CADM2: variants seen among roughly 807,000 people sequenced by gnomAD.
CADM2 encodes cell adhesion molecule 2, also known as immunoglobulin superfamily member 4D.
Under a neutral mutation model 49.8 loss-of-function variants are expected in CADM2, and 12 were observed. The observed-to-expected ratio is 0.24, with a 90% CI of 0.15 to 0.39. The LOEUF is 0.39. CADM2 is among the 10% of genes least tolerant of loss of function. The probability of loss-of-function intolerance (pLI) is 1.00; values close to 1 mark genes in which losing one functional copy is unlikely to be tolerated. For missense variants in CADM2, 378 were observed against 492.3 expected, an observed-to-expected ratio of 0.77 and a Z score of 2.20; for synonymous variants, 214 against 175.4, an observed-to-expected ratio of 1.22 and a Z score of -1.74.
chr3:85,603,986 C>A (rs1559937731), intron 1 of CADM2, among the ~76,000 whole-genome samples: 2 of 151,706 alleles, frequency 1.3e-5, no homozygotes. Context: ...AAAATATTTT[C>A]CTAAACCATT....
At chr3:85,019,893 A>G (rs1387927871) in intron 1 of CADM2, among the ~76,000 whole-genome samples, 1 of 152,174 alleles carries the variant, frequency 6.6e-6, no homozygotes, top group Non-Finnish European at 1.5e-5. Flanking sequence ...ACTCTAGTAG[A>G]TAGATTCTAA....
chr3:85,786,899 A>G (rs144793855), intron 2 of CADM2, among the ~76,000 whole-genome samples: 90 of 152,172 alleles, frequency 5.9e-4, no homozygotes, highest in African/African-American at 2.0e-3. Flanking sequence ...TATAAAGTTT[A>G]TATTTCACAG....
At chr3:85,220,785 T>G (rs2042027214) in intron 1 of CADM2, among the ~76,000 whole-genome samples, 1 of 149,720 alleles carries the variant, frequency 6.7e-6, no homozygotes, top group Non-Finnish European at 1.5e-5. Context: ...AAGTTCCAAT[T>G]GAGGAAGAGA....
intron 1 of CADM2, among the ~76,000 whole-genome samples, chr3:85,483,694 C>T (rs1348889503): frequency 2.7e-5 from 4 of 149,022 alleles, no homozygotes; most frequent in Non-Finnish European, 6.0e-5. Context: ...TATCTAATGC[C>T]GTATATCCAG....
intron 1 of CADM2, among the ~76,000 whole-genome samples, chr3:85,291,689 A>C (rs1484041551): frequency 1.4e-5 from 2 of 147,162 alleles, no homozygotes; most frequent in Non-Finnish European, 2.9e-5. Flanking sequence ...AGGCAAACTA[A>C]GCTTCATAAG....
At chr3:85,084,604 T>C (rs749943095) in intron 1 of CADM2, among the ~76,000 whole-genome samples, 2 of 152,166 alleles carry the variant, frequency 1.3e-5, no homozygotes, top group Non-Finnish European at 2.9e-5. Flanking sequence ...CTTACACTGA[T>C]TACATGGTGA....
intron 3 of CADM2, among the ~76,000 whole-genome samples, chr3:85,814,779 T>C (rs978049157): frequency 6.6e-6 from 1 of 152,006 alleles, no homozygotes; most frequent in African/African-American, 2.4e-5. Flanking sequence ...TTCTATTCTA[T>C]AGTATTCTAT....
At chr3:85,453,182 TTTTG>T (rs1324997900) in intron 1 of CADM2, among the ~76,000 whole-genome samples, 3 of 152,132 alleles carry the variant, frequency 2.0e-5, no homozygotes, top group Non-Finnish European at 2.9e-5. Context: ...CATTTTATTT[TTTTG>T]TTTGTGTTTT....
intron 2 of CADM2, among the ~76,000 whole-genome samples, chr3:85,767,265 A>G (rs1224497580): frequency 6.6e-6 from 1 of 152,170 alleles, no homozygotes; most frequent in Non-Finnish European, 1.5e-5. Context: ...CTGTGTCAAT[A>G]TTGGGCATAA....
chr3:85,834,634 T>C (rs372272840), intron 3 of CADM2, among the ~76,000 whole-genome samples: 8 of 151,628 alleles, frequency 5.3e-5, no homozygotes, highest in African/African-American at 1.9e-4. Flanking sequence ...CTTGTAGTTA[T>C]ATGCTTTGTG....
chr3:84,960,952 G>T (rs1470837697), intron 1 of CADM2, among the ~76,000 whole-genome samples: 1 of 152,150 alleles, frequency 6.6e-6, no homozygotes, highest in Non-Finnish European at 1.5e-5. Flanking sequence ...TTGAGTGTGA[G>T]ATATAGCAAG....
chr3:85,176,143 A>G (rs1487728266), intron 1 of CADM2, among the ~76,000 whole-genome samples: 1 of 152,008 alleles, frequency 6.6e-6, no homozygotes, highest in Non-Finnish European at 1.5e-5. Context: ...GCCAATGTGC[A>G]ATCTTGATAG....
intron 1 of CADM2, among the ~76,000 whole-genome samples, chr3:85,541,964 T>C (rs1481598016): frequency 6.6e-6 from 1 of 151,704 alleles, no homozygotes; most frequent in African/African-American, 2.4e-5. Flanking sequence ...CATAGTCTTC[T>C]CTCATGAAAA....
chr3:85,385,946 T>A (rs942053236), intron 1 of CADM2, among the ~76,000 whole-genome samples: 1 of 152,086 alleles, frequency 6.6e-6, no homozygotes, highest in African/African-American at 2.4e-5. Flanking sequence ...CATATCATGT[T>A]TTAAGAATAA....
intron 8 of CADM2, among the ~76,000 whole-genome samples, chr3:86,005,164 A>G (rs1730630357): frequency 6.6e-6 from 1 of 152,202 alleles, no homozygotes; most frequent in Non-Finnish European, 1.5e-5. Flanking sequence ...TCTGCTTTTA[A>G]TACATTATGA....
intron 1 of CADM2, among the ~76,000 whole-genome samples, chr3:85,622,126 A>T (rs1404662436): frequency 6.6e-6 from 1 of 152,244 alleles, no homozygotes; most frequent in Non-Finnish European, 1.5e-5. Context: ...TGGAAACTAT[A>T]GATTCTTACA....
At chr3:85,154,223 C>T (rs1043796535) in intron 1 of CADM2, among the ~76,000 whole-genome samples, 3 of 152,006 alleles carry the variant, frequency 2.0e-5, no homozygotes, top group Admixed American at 6.6e-5. Flanking sequence ...ACTAGAATAA[C>T]CAATATAGAG....
At chr3:85,942,296 C>A (rs1367108066) in intron 7 of CADM2, among the ~76,000 whole-genome samples, 1 of 148,962 alleles carries the variant, frequency 6.7e-6, no homozygotes, top group Admixed American at 6.8e-5. Context: ...CAACTGGTAC[C>A]AGCCACTGCA....
chr3:85,248,410 G>T (rs2042699008), intron 1 of CADM2, among the ~76,000 whole-genome samples: 1 of 152,058 alleles, frequency 6.6e-6, no homozygotes, highest in Admixed American at 6.6e-5. Flanking sequence ...CAGTAGCTGG[G>T]ATTACAGATG....
Sources: gnomAD v4.1 joint callset for allele counts (sites outside exome capture counted in the v4.1 genomes callset) on GRCh38, gnomAD v4.1.1 for gene constraint, MANE v1.5 for transcripts, NCBI Gene and HGNC (gene_info 2026-07-23, HGNC 2026-07-21) for gene names.